PIP5K1B: variants seen among roughly 807,000 people sequenced by gnomAD.
The protein encoded by PIP5K1B is phosphatidylinositol-4-phosphate 5-kinase type 1 beta, also known as phosphatidylinositol 4-phosphate 5-kinase type-1 beta.
In PIP5K1B, 42 loss-of-function variants were observed where a neutral mutation model predicts 67.0. The observed-to-expected ratio is 0.63, with a 90% confidence interval of 0.49 to 0.81. The LOEUF is 0.81. Among genes scored for constraint, PIP5K1B ranks in the 30% least tolerant of loss-of-function variants. The probability of loss-of-function intolerance (pLI) is 0.00; values close to 1 mark genes in which losing one functional copy is unlikely to be tolerated. For synonymous variants in PIP5K1B, 214 were observed against 231.4 expected (o/e 0.92, Z 0.68); for missense variants, 459 against 646.3 (o/e 0.71, Z 3.14).
intron 2 of PIP5K1B, among the ~76,000 whole-genome samples, chr9:68,750,134 C>A (rs967659103): frequency 1.3e-5 from 2 of 152,246 alleles, no homozygotes; most frequent in Non-Finnish European, 2.9e-5. Flanking sequence ...TTAACCCATG[C>A]TCTGCCATGC....
chr9:68,979,553 G>A (rs1486267134), intron 14 of PIP5K1B, among the ~76,000 whole-genome samples: 14 of 15,762 alleles, frequency 8.9e-4, no homozygotes, highest in Non-Finnish European at 9.9e-4. Context: ...CACACACAGA[G>A]TCACTCCCCT....
intron 2 of PIP5K1B, among the ~76,000 whole-genome samples, chr9:68,751,863 G>A (rs1217477560): frequency 6.6e-6 from 1 of 152,136 alleles, no homozygotes; most frequent in Non-Finnish European, 1.5e-5. Context: ...ACTTTAAAGT[G>A]TTTAGTTTTA....
chr9:68,835,027 G>A (rs769654610), intron 4 of PIP5K1B, among the ~76,000 whole-genome samples: 4 of 152,204 alleles, frequency 2.6e-5, no homozygotes, highest in Non-Finnish European at 5.9e-5. Context: ...ACTTGTCAGG[G>A]GAGGTCAGGA....
chr9:68,748,583 C>G (rs1288925880), intron 2 of PIP5K1B, among the ~76,000 whole-genome samples: 1 of 151,456 alleles, frequency 6.6e-6, no homozygotes, highest in Non-Finnish European at 1.5e-5. Flanking sequence ...CAGTAGGCAC[C>G]ACTCGGCGGC....
At chr9:68,753,223 C>T (rs1360608935) in intron 2 of PIP5K1B, among the ~76,000 whole-genome samples, 1 of 149,996 alleles carries the variant, frequency 6.7e-6, no homozygotes, top group East Asian at 1.9e-4. Flanking sequence ...TAGGTAAGAA[C>T]AGAATAGGTT....
intron 14 of PIP5K1B, among the ~76,000 whole-genome samples, chr9:68,954,947 T>C (rs1428292339): frequency 6.6e-6 from 1 of 152,114 alleles, no homozygotes; most frequent in Non-Finnish European, 1.5e-5. Context: ...AACAAGATGC[T>C]AGAAAGGATG....
intron 4 of PIP5K1B, among the ~76,000 whole-genome samples, chr9:68,823,661 A>G (rs1291866367): frequency 6.6e-6 from 1 of 152,238 alleles, no homozygotes; most frequent in Non-Finnish European, 1.5e-5. Context: ...ACTCCTGATT[A>G]TAAATTGACT....
At chr9:68,799,442 T>C (rs1832472094) in intron 2 of PIP5K1B, among the ~76,000 whole-genome samples, 1 of 152,150 alleles carries the variant, frequency 6.6e-6, no homozygotes, top group African/African-American at 2.4e-5. Context: ...CAAAGCAATC[T>C]TGAGAAAGAA....
At chr9:68,758,548 A>AG (rs1830044145) in intron 2 of PIP5K1B, among the ~76,000 whole-genome samples, 1 of 152,140 alleles carries the variant, frequency 6.6e-6, no homozygotes, top group Non-Finnish European at 1.5e-5. Context: ...ATAGCTCAAC[A>AG]GAAATTGTAC....
intron 2 of PIP5K1B, among the ~76,000 whole-genome samples, chr9:68,813,747 A>G (rs1336917157): frequency 6.6e-6 from 1 of 152,184 alleles, no homozygotes; most frequent in East Asian, 1.9e-4. Context: ...CTAAATGGTG[A>G]CAGAGGCCAG....
At chr9:69,005,895 T>G (rs1831056290) in intron 15 of PIP5K1B, among the ~76,000 whole-genome samples, 1 of 151,962 alleles carries the variant, frequency 6.6e-6, no homozygotes, top group Non-Finnish European at 1.5e-5. Context: ...TTTTTTTTCT[T>G]TAGAGACAGG....
chr9:68,872,663 T>G (rs1320110545), intron 5 of PIP5K1B, among the ~76,000 whole-genome samples: 3 of 152,202 alleles, frequency 2.0e-5, no homozygotes, highest in African/African-American at 7.2e-5. Flanking sequence ...TTGTGGCTGT[T>G]TTTTCCTTCA....
At chr9:68,716,864 A>T (rs1166177374) in intron 1 of PIP5K1B, among the ~76,000 whole-genome samples, 2 of 152,236 alleles carry the variant, frequency 1.3e-5, no homozygotes, top group African/African-American at 4.8e-5. Flanking sequence ...GATGGATTGG[A>T]TGAAGAAAAT....
At chr9:68,731,534 G>A (rs1187740920) in intron 1 of PIP5K1B, among the ~76,000 whole-genome samples, 2 of 152,218 alleles carry the variant, frequency 1.3e-5, no homozygotes, top group East Asian at 1.9e-4. Flanking sequence ...AGGGGCTAAC[G>A]TTTTAGACTG....
chr9:68,795,168 CGT>C (rs144440033), intron 2 of PIP5K1B, among the ~76,000 whole-genome samples: 10 of 150,434 alleles, frequency 6.6e-5, no homozygotes, highest in Admixed American at 6.6e-5. Flanking sequence ...AGAGAGAGAG[CGT>C]GTGTGTGTGT....
intron 4 of PIP5K1B, among the ~76,000 whole-genome samples, chr9:68,861,883 TTTTG>T (rs1329337966): frequency 3.4e-5 from 5 of 148,924 alleles, no homozygotes; most frequent in African/African-American, 7.4e-5. Context: ...CAGGGGGTTT[TTTTG>T]TTTGTTTGTT....
At position 68,815,635 on chromosome 9, in the gene PIP5K1B, GAGTTATAAA is replaced by G. The variant is rs1374332316; in HGVS notation, c.-85-2825_-85-2817del. On this transcript the variant is annotated intron_variant, in intron 2 of 15. Coordinates refer to ENST00000265382, the MANE Select transcript of PIP5K1B (RefSeq NM_003558.4). ...AAAGAAAGGTTATAAATCCCGAGAGGAGTTATAAACAGAAAAAAACGTGAGTGCGTATAA... is the reference window on the plus strand; with the variant it reads ...AAAGAAAGGTTATAAATCCCGAGAGGCAGAAAAAAACGTGAGTGCGTATAA... 3.3e-5 allele frequency among the ~76,000 whole-genome samples: 5 copies of G among 152,034 alleles called. No homozygotes were observed. The East Asian group carries it at 9.7e-4, about 29-fold the overall frequency.
intron 12 of PIP5K1B, among the ~76,000 whole-genome samples, chr9:68,924,748 A>G (rs1826598619): frequency 6.6e-6 from 1 of 152,214 alleles, no homozygotes; most frequent in Non-Finnish European, 1.5e-5. Context: ...TTCATGTTTT[A>G]TATTTAAATA....
chr9:68,994,229 A>ACCC (rs1227686140), intron 15 of PIP5K1B, among the ~76,000 whole-genome samples: 121 of 151,802 alleles, frequency 8.0e-4, no homozygotes, highest in African/African-American at 2.8e-3. Context: ...TTCACTAGAG[A>ACCC]CGGGGTTTCG....
Sources: gnomAD v4.1 joint callset for allele counts (sites outside exome capture counted in the v4.1 genomes callset) on GRCh38, gnomAD v4.1.1 for gene constraint, MANE v1.5 for transcripts, NCBI Gene and HGNC (gene_info 2026-07-23, HGNC 2026-07-21) for gene names.